FDFT1: variants seen among roughly 807,000 people sequenced by gnomAD.
FDFT1 encodes squalene synthase.
Under a neutral mutation model 46.8 loss-of-function variants are expected in FDFT1, and 68 were observed. That is an observed-to-expected ratio of 1.45 (90% CI 1.19 to 1.78). The LOEUF is 1.78. Among genes scored for constraint, FDFT1 ranks in the 40% most tolerant of loss-of-function variants. The probability of loss-of-function intolerance (pLI) is 0.00; values close to 1 mark genes in which losing one functional copy is unlikely to be tolerated. For missense variants in FDFT1, 928 were observed against 524.4 expected (o/e 1.77, Z -7.52); for synonymous variants, 351 against 185.1 (o/e 1.90, Z -7.28).
intron 1 of FDFT1, among the ~76,000 whole-genome samples, chr8:11,796,262 G>C (rs1349580593): frequency 6.6e-6 from 1 of 152,216 alleles, no homozygotes; most frequent in East Asian, 1.9e-4. Context: ...TAAGTGACTG[G>C]ACTGTTTGTG....
intron 1 of FDFT1, 24 bp downstream of exon 1, chr8:11,802,955 C>T (rs764724470): frequency 1.4e-5 from 22 of 1,579,268 alleles, no homozygotes; most frequent in Non-Finnish European, 1.8e-5. Context: ...CCCTGCTTGC[C>T]CGGGGCGGGG....
At position 11,826,156 on chromosome 8, in the gene FDFT1, A is replaced by G. The variant is rs751873505; in HGVS notation, c.643A>G (p.Asn215Asp). Reference sequence around the variant, plus strand: ...TATGGGCCTGTTTTTGCAGAAAACAAACATCATCCGTGACTATCTGGAAGA... The same window carrying G: ...TATGGGCCTGTTTTTGCAGAAAACAGACATCATCCGTGACTATCTGGAAGA... ...NSMGLFLQKTNIIRDYLEDQQ... is the reference protein window; with the variant it reads ...NSMGLFLQKTDIIRDYLEDQQ... Residue 215 changes from asparagine to aspartate, a missense_variant, in exon 5 of 8, where the codon AAC (asparagine) becomes GAC (aspartate). Physicochemically the swap from Asn to Asp is conservative, Grantham distance 23. Coordinates refer to ENST00000220584, the MANE Select transcript of FDFT1 (RefSeq NM_004462.5). The G allele has an allele frequency of 6.2e-7, 1 of 1,604,138 alleles. No individual in the cohort carries two copies. The highest frequency in any genetic ancestry group is 8.5e-7 in the Non-Finnish European group (1 of 1,172,462).
chr8:11,807,343 T>G (rs1806992588), intron 1 of FDFT1, among the ~76,000 whole-genome samples: 1 of 145,942 alleles, frequency 6.9e-6, no homozygotes, highest in Non-Finnish European at 1.5e-5. Flanking sequence ...AAAACTTTTT[T>G]ATGAACACGA....
intron 3 of FDFT1, among the ~76,000 whole-genome samples, chr8:11,813,147 A>T (rs760622647): frequency 1.3e-5 from 2 of 152,218 alleles, no homozygotes; most frequent in Non-Finnish European, 2.9e-5. Flanking sequence ...TAGTAAAAAC[A>T]GGGTGTTACA....
intron 3 of FDFT1, among the ~76,000 whole-genome samples, chr8:11,813,679 A>G (rs1160490386): frequency 6.6e-6 from 1 of 152,114 alleles, no homozygotes; most frequent in East Asian, 1.9e-4. Flanking sequence ...TCTATGTGGG[A>G]TTTGGCCTTT....
intron 6 of FDFT1, 142 bp downstream of exon 6, chr8:11,830,562 G>A: frequency 1.6e-6 from 1 of 641,042 alleles, no homozygotes; most frequent in South Asian, 2.0e-5. Flanking sequence ...GAGTTTCATA[G>A]CACCCGCCTT....
intron 3 of FDFT1, among the ~76,000 whole-genome samples, chr8:11,812,001 A>G (rs1807781990): frequency 6.6e-6 from 1 of 152,186 alleles, no homozygotes. Context: ...TAGGCCTGCA[A>G]TCAGCTTTTG....
chr8:11,821,669 C>G, intron 3 of FDFT1, 81 bp from the exon 4 acceptor site: 1 of 1,485,688 alleles, frequency 6.7e-7, no homozygotes, highest in Non-Finnish European at 9.3e-7. Flanking sequence ...TGATTAATTC[C>G]GCCATTGTTT....
At chr8:11,799,181 G>A (rs1265112325), upstream of FDFT1, among the ~76,000 whole-genome samples, 2 of 152,220 alleles carry the variant, frequency 1.3e-5, no homozygotes, top group Non-Finnish European at 2.9e-5. Flanking sequence ...AGGACAGGAA[G>A]GCGCCTTGAG....
intron 1 of FDFT1, among the ~76,000 whole-genome samples, chr8:11,807,141 C>T (rs2130702147): frequency 6.6e-6 from 1 of 152,122 alleles, no homozygotes; most frequent in African/African-American, 2.4e-5. Context: ...TTTTTAACCA[C>T]TCCTATTGGA....
chr8:11,809,961 C>A, intron 3 of FDFT1, 111 bp downstream of exon 3: 4 of 809,168 alleles, frequency 4.9e-6, no homozygotes, highest in South Asian at 2.1e-5. Flanking sequence ...ATTCTGAGGG[C>A]AGCATAATGT....
chr8:11,829,716 C>T (rs1810508239), intron 5 of FDFT1, among the ~76,000 whole-genome samples: 1 of 152,188 alleles, frequency 6.6e-6, no homozygotes, highest in Admixed American at 6.5e-5. Flanking sequence ...AACTCACTTC[C>T]AGGTTGCAAC....
At chr8:11,803,196 C>G (rs1001411928) in intron 1 of FDFT1, 5 of 1,405,558 alleles carry the variant, frequency 3.6e-6, no homozygotes, top group Non-Finnish European at 4.7e-6. Flanking sequence ...CTCCCCGTTT[C>G]GTCCCCTCCG....
chr8:11,814,702 T>C (rs1437952502), intron 3 of FDFT1, among the ~76,000 whole-genome samples: 1 of 152,216 alleles, frequency 6.6e-6, no homozygotes, highest in Admixed American at 6.5e-5. Context: ...GAAAAAGTAT[T>C]GGGCAGCATG....
intron 1 of FDFT1, chr8:11,803,804 A>C (rs1430149255): frequency 6.2e-6 from 1 of 161,450 alleles, no homozygotes; most frequent in African/African-American, 2.4e-5. Context: ...TAAACACACT[A>C]GAAAATAAAT....
intron 7 of FDFT1, among the ~76,000 whole-genome samples, chr8:11,835,100 G>A (rs961193788): frequency 6.6e-6 from 1 of 152,162 alleles, no homozygotes; most frequent in Non-Finnish European, 1.5e-5. Context: ...CTCCAGCCTG[G>A]GCAACAGGGT....
At chr8:11,833,667 T>C (rs566849417) in intron 7 of FDFT1, among the ~76,000 whole-genome samples, 6 of 152,348 alleles carry the variant, frequency 3.9e-5, no homozygotes, top group Admixed American at 6.5e-5. Context: ...ATAAATGTTA[T>C]CAGAACACAG....
intron 7 of FDFT1, among the ~76,000 whole-genome samples, chr8:11,835,226 T>TA (rs1811376464): frequency 1.3e-5 from 2 of 152,188 alleles, no homozygotes; most frequent in Admixed American, 6.5e-5. Context: ...TGATTGAGGC[T>TA]AGTAGGTTTT....
chr8:11,795,905 T>A (rs1022129151), exon 1 of FDFT1: 5 of 152,640 alleles, frequency 3.3e-5, no homozygotes, highest in African/African-American at 1.2e-4. Context: ...ACACGCCGCC[T>A]TTAAGAACTG....
Sources: gnomAD v4.1 joint callset for allele counts (sites outside exome capture counted in the v4.1 genomes callset) on GRCh38, gnomAD v4.1.1 for gene constraint, MANE v1.5 for transcripts, NCBI Gene and HGNC (gene_info 2026-07-23, HGNC 2026-07-21) for gene names.